ALG9: variants seen among roughly 807,000 people sequenced by gnomAD.
The protein encoded by ALG9 is alpha-1,2-mannosyltransferase ALG9.
ALG9 carries 55 observed loss-of-function variants against 81.8 expected under a neutral mutation model. That is an observed-to-expected ratio of 0.67 (90% confidence interval 0.54 to 0.84). The LOEUF (loss-of-function observed/expected upper bound fraction) is 0.84, where lower values mean the gene tolerates loss of function less well. ALG9 is among the 40% of genes least tolerant of loss of function. ALG9 has a pLI of 0.00. For missense variants in ALG9, 629 were observed against 745.0 expected (o/e 0.84, Z 1.81); for synonymous variants, 278 against 274.3 (o/e 1.01, Z -0.13).
intron 8 of ALG9, among the ~76,000 whole-genome samples, chr11:111,847,373 G>A (rs1281321970): frequency 6.6e-6 from 1 of 152,218 alleles, no homozygotes; most frequent in Non-Finnish European, 1.5e-5. Flanking sequence ...TCAGACAGAT[G>A]TTGATAAAAC....
At chr11:111,817,968 G>A (rs936762679) in intron 13 of ALG9, among the ~76,000 whole-genome samples, 5 of 150,604 alleles carry the variant, frequency 3.3e-5, no homozygotes, top group South Asian at 4.2e-4. Context: ...TAATAGAGAC[G>A]GGATTTCACC....
chr11:111,776,574 C>T, the ALG9 span, among the ~76,000 whole-genome samples: 4 of 152,174 alleles, frequency 2.6e-5, no homozygotes, highest in Admixed American at 2.0e-4. Flanking sequence ...GGCAACAGAG[C>T]GAGACTCTAT....
At chr11:111,871,261 T>C in intron 1 of ALG9, 91 bp downstream of exon 1, 2 of 1,332,486 alleles carry the variant, frequency 1.5e-6, no homozygotes, top group East Asian at 3.1e-5. Context: ...CAGGCCGGAC[T>C]GAGCCCCGCG....
chr11:111,800,362 T>TC (rs1555079414), intron 14 of ALG9, among the ~76,000 whole-genome samples: 1 of 151,982 alleles, frequency 6.6e-6, no homozygotes, highest in East Asian at 1.9e-4. Flanking sequence ...GCGCCTGTAG[T>TC]CCCAGCTACT....
At position 111,860,650 on chromosome 11, in the gene ALG9, A is replaced by G. The variant is rs782507133; in HGVS notation, c.477-15T>C. On this transcript the variant is annotated splice_polypyrimidine_tract_variant and intron_variant, in intron 4 of 14. Transcript: ENST00000616540. ...TGCACACAGCCCTAGGAAAAAGGCA[A>G]AGACTATCAGCATTGAGAATATTAG... is the stretch of plus-strand genomic sequence containing the variant. 6 of 1,598,744 alleles carry G rather than the reference A, an allele frequency of 3.8e-6. No homozygotes were observed. The African/African-American group carries it at 8.0e-5, about 21-fold the overall frequency.
At chr11:111,800,686 A>T (rs1948985229) in intron 14 of ALG9, among the ~76,000 whole-genome samples, 1 of 152,104 alleles carries the variant, frequency 6.6e-6, no homozygotes, top group Non-Finnish European at 1.5e-5. Flanking sequence ...ACATTTTGTA[A>T]TTACCTATTG....
At chr11:111,822,853 T>C (rs1555105280) in intron 13 of ALG9, among the ~76,000 whole-genome samples, 1 of 151,964 alleles carries the variant, frequency 6.6e-6, no homozygotes, top group African/African-American at 2.4e-5. Context: ...AGAAACCTCG[T>C]CTCTACTAAA....
Position 111,837,673 on chromosome 11 carries a change from A to T in ALG9, c.1325-58T>A, listed in dbSNP as rs4936769. 9,579 of 1,568,922 alleles carry T rather than the reference A, an allele frequency of 6.1e-3. 43 individuals carry two copies. Among genetic ancestry groups the T allele is most frequent in the Non-Finnish European group, 7.1e-3 (8,155 of 1,142,388 alleles). On this transcript the variant is annotated intron_variant, in intron 11 of 14. Coordinates refer to ENST00000616540, the MANE Select transcript of ALG9 (RefSeq NM_024740.2). ...ATGAGTAAGATGAGATTCTCACTTT[A>T]ATTATACTGCTCATTAATGTCGCAC...
intron 8 of ALG9, among the ~76,000 whole-genome samples, chr11:111,846,190 A>G (rs1956920230): frequency 6.6e-6 from 1 of 152,218 alleles, no homozygotes; most frequent in African/African-American, 2.4e-5. Context: ...CAGAGAGGTA[A>G]GCTTTTGCAC....
At chr11:111,827,480 C>T (rs1555109574) in intron 13 of ALG9, among the ~76,000 whole-genome samples, 1 of 139,082 alleles carries the variant, frequency 7.2e-6, no homozygotes, top group Admixed American at 7.2e-5. Flanking sequence ...TTTCTGTCAC[C>T]TATTTTCAGC....
At position 111,803,202 on chromosome 11, in the gene ALG9, T is replaced by C. The variant is rs533215612; in HGVS notation, c.1733+6441A>G. Among the ~76,000 whole-genome samples the C allele has an allele frequency of 5.9e-5, 9 of 152,234 alleles. No individual in the cohort carries two copies. The South Asian group carries it at 1.0e-3, about 18-fold the overall frequency. On this transcript the variant is annotated intron_variant, in intron 14 of 14. Coordinates refer to ENST00000616540, the MANE Select transcript of ALG9 (RefSeq NM_024740.2). ...AAGACCCAGAATCCACAAAATAATA[T>C]TGAAGAAGAACAAGGTGTGCCAGGT...
intron 8 of ALG9, among the ~76,000 whole-genome samples, chr11:111,849,196 A>G (rs1957379460): frequency 6.6e-6 from 1 of 152,048 alleles, no homozygotes; most frequent in African/African-American, 2.4e-5. Flanking sequence ...GATTAAAGGC[A>G]TGCACCACCA....
downstream of ALG9, among the ~76,000 whole-genome samples, chr11:111,779,055 C>T (rs1051149709): frequency 9.2e-5 from 14 of 152,232 alleles, no homozygotes; most frequent in African/African-American, 3.4e-4. Flanking sequence ...CTCAGGTGAT[C>T]CGCCCACCAC....
chr11:111,869,983 T>C (rs1319691537), intron 2 of ALG9, among the ~76,000 whole-genome samples: 3 of 152,124 alleles, frequency 2.0e-5, no homozygotes, highest in African/African-American at 7.2e-5. Context: ...GGCTAATTTT[T>C]GTATTTTTAG....
chr11:111,824,728 T>TAAAA (rs1952947144), intron 13 of ALG9, among the ~76,000 whole-genome samples: 1 of 152,220 alleles, frequency 6.6e-6, no homozygotes, highest in Non-Finnish European at 1.5e-5. Flanking sequence ...AATGTCTTTT[T>TAAAA]AAACGCAAAC....
chr11:111,807,603 A>G (rs1950110949), intron 14 of ALG9, among the ~76,000 whole-genome samples: 1 of 152,160 alleles, frequency 6.6e-6, no homozygotes, highest in African/African-American at 2.4e-5. Context: ...ACCTCCAAAC[A>G]GTAAGCTTCA....
chr11:111,851,209 T>C (rs886945879), intron 8 of ALG9, among the ~76,000 whole-genome samples: 1 of 152,190 alleles, frequency 6.6e-6, no homozygotes, highest in Non-Finnish European at 1.5e-5. Context: ...CTGGGCGTGG[T>C]GGCTCATGCT....
intron 4 of ALG9, chr11:111,864,195 C>A: frequency 1.6e-6 from 1 of 611,842 alleles, no homozygotes; most frequent in South Asian, 1.9e-5. Context: ...AGTTTTCAGT[C>A]AGGCCCCGCT....
chr11:111,802,900 C>CT (rs1317835749), intron 14 of ALG9, among the ~76,000 whole-genome samples: 1 of 152,174 alleles, frequency 6.6e-6, no homozygotes, highest in Non-Finnish European at 1.5e-5. Flanking sequence ...CACCTCATCC[C>CT]TTAAGCTCCT....
Sources: allele counts gnomAD v4.1 joint callset (sites outside exome capture counted in the v4.1 genomes callset), GRCh38; gene constraint gnomAD v4.1.1; transcripts MANE v1.5; gene names NCBI Gene and HGNC (gene_info 2026-07-23, HGNC 2026-07-21).